CACNA1D: variants seen among roughly 807,000 people sequenced by gnomAD.
The protein encoded by CACNA1D is voltage-dependent L-type calcium channel subunit alpha-1D.
Under a neutral mutation model 257.1 loss-of-function variants are expected in CACNA1D, and 55 were observed. The observed-to-expected ratio is 0.21, with a 90% CI of 0.17 to 0.27. CACNA1D has a LOEUF of 0.27. Ranked by LOEUF, CACNA1D falls within the 10% of genes least tolerant of loss-of-function variation. The pLI is 1.00. For missense variants in CACNA1D, 1,876 were observed against 2,784.0 expected (o/e 0.67, Z 7.34); for synonymous variants, 980 against 1,014.9 (o/e 0.97, Z 0.65).
intron 8 of CACNA1D, among the ~76,000 whole-genome samples, chr3:53,682,389 A>T (rs946118095): frequency 7.1e-6 from 1 of 140,240 alleles, no homozygotes; most frequent in Non-Finnish European, 1.5e-5. Flanking sequence ...AAAAAAAAAA[A>T]AAAAAAACAG....
intron 3 of CACNA1D, among the ~76,000 whole-genome samples, chr3:53,630,762 A>G (rs182940143): frequency 1.8e-4 from 27 of 152,328 alleles, no homozygotes; most frequent in Admixed American, 6.5e-4. Context: ...TCTACCCTCA[A>G]TGGCTCAAAC....
At chr3:53,808,600 C>A in intron 45 of CACNA1D, 49 bp from the exon 46 acceptor site, 1 of 1,601,222 alleles carries the variant, frequency 6.2e-7, no homozygotes. Flanking sequence ...AGACGGTGTC[C>A]CGGCAGAGAA....
rs2095474044 is a variant in CACNA1D, at chr3:53,789,694, A to G, written c.4923+2742A>G. 6.6e-6 allele frequency among the ~76,000 whole-genome samples: 1 copy of G among 152,230 alleles called. No individual in the cohort carries two copies. Among genetic ancestry groups the G allele is most frequent in the South Asian group, 2.1e-4 (1 of 4,828 alleles). On this transcript the variant is annotated intron_variant, in intron 40 of 47. Coordinates refer to ENST00000350061, the MANE Select transcript of CACNA1D (RefSeq NM_001128840.3). This position sits in a 1 kb window ranked among gnomAD's most constrained non-coding sequence, Gnocchi z 4.2. ...ATGGAAAGTGGAGCATGGCCGTCGC[A>G]GTGTGAGCGCAGAAGTGCGGACCTA... is the stretch of plus-strand genomic sequence containing the variant.
In CACNA1D at chr3:53,811,600, G is replaced by T; in HGVS notation, c.*194G>T. 1 of 538,450 alleles carries T rather than the reference G, an allele frequency of 1.9e-6. No individual in the cohort carries two copies. Among genetic ancestry groups the T allele is most frequent in the South Asian group, 2.8e-5 (1 of 35,726 alleles). The allele number at this position is 538,450 out of a possible 1,614,324, so 33.4% of individuals were successfully genotyped here. On this transcript the variant is annotated 3_prime_UTR_variant, in exon 48 of 48. Transcript: ENST00000350061. This position sits in a 1 kb window ranked among gnomAD's most constrained non-coding sequence, Gnocchi z 4.2. ...AACAGGTCCCAAGCGGTTGAGCCTG[G>T]CAGAGTACCATGCGCTCGGCCCCAG...
chr3:53,740,740 T>A (rs749995464), intron 21 of CACNA1D, among the ~76,000 whole-genome samples: 8 of 151,908 alleles, frequency 5.3e-5, no homozygotes, highest in Non-Finnish European at 7.4e-5. Context: ...TTTGCTCATT[T>A]AAAAAAAATA....
intron 3 of CACNA1D, among the ~76,000 whole-genome samples, chr3:53,527,822 T>C (rs2091819506): frequency 6.6e-6 from 1 of 152,172 alleles, no homozygotes; most frequent in Admixed American, 6.5e-5. Context: ...TTTTTATAGG[T>C]CTTTTGGATA....
At chr3:53,689,664 A>G (rs1408701194) in intron 8 of CACNA1D, among the ~76,000 whole-genome samples, 1 of 151,972 alleles carries the variant, frequency 6.6e-6, no homozygotes, top group Non-Finnish European at 1.5e-5. Flanking sequence ...TTCTTTTTAA[A>G]AATATTTTTT....
At position 53,809,848 on chromosome 3, in the gene CACNA1D, A is replaced by G. The variant is rs371403457; in HGVS notation, c.5872-130A>G. 51 of 820,430 alleles carry G rather than the reference A, an allele frequency of 6.2e-5. No individual in the cohort carries two copies. The African/African-American group carries it at 6.7e-4, about 11-fold the overall frequency. The allele number at this position is 820,430 out of a possible 1,614,324, so 50.8% of individuals were successfully genotyped here. ...TCATTCAGCGTACTTCAGTGTGCCC[A>G]TGTCCTTTCCAAGTCCTTGCCTGGA... On this transcript the variant is annotated intron_variant, in intron 46 of 47. Transcript: ENST00000350061.
chr3:53,590,284 C>T (rs956433234), intron 3 of CACNA1D, among the ~76,000 whole-genome samples: 14 of 152,242 alleles, frequency 9.2e-5, no homozygotes, highest in African/African-American at 3.1e-4. Context: ...TCCCTCACTT[C>T]GTCTATTACT....
intron 9 of CACNA1D, among the ~76,000 whole-genome samples, chr3:53,708,181 A>G (rs2094712205): frequency 6.6e-6 from 1 of 152,272 alleles, no homozygotes; most frequent in Non-Finnish European, 1.5e-5. Flanking sequence ...GGTTGCAAGC[A>G]TAAGGCATAG....
chr3:53,495,282 G>C lies in CACNA1D; in HGVS notation c.67+49G>C. On this transcript the variant is annotated intron_variant, in intron 1 of 47. Transcript: ENST00000350061. This position sits in a 1 kb window ranked among gnomAD's most constrained non-coding sequence, Gnocchi z 5.1. ...CCGCTGCCAAATCCGATCCTGTCAT[G>C]GTCCTCCAGCCCCCTCCCCCTTCCC... 1 of 1,610,592 alleles carries C rather than the reference G, an allele frequency of 6.2e-7. No homozygotes were observed. Among genetic ancestry groups the C allele is most frequent in the Non-Finnish European group, 8.5e-7 (1 of 1,178,238 alleles).
intron 3 of CACNA1D, among the ~76,000 whole-genome samples, chr3:53,505,991 A>C (rs957819032): frequency 1.3e-5 from 2 of 152,154 alleles, no homozygotes; most frequent in African/African-American, 4.8e-5. Context: ...TTGTATCTGC[A>C]TGGTCACGTA....
At chr3:53,511,919 T>C (rs2091129553) in intron 3 of CACNA1D, among the ~76,000 whole-genome samples, 1 of 152,190 alleles carries the variant, frequency 6.6e-6, no homozygotes, top group Non-Finnish European at 1.5e-5. Flanking sequence ...TATTTTACTC[T>C]AATGTAATTT....
At chr3:53,615,144 C>T (rs1396463760) in intron 3 of CACNA1D, among the ~76,000 whole-genome samples, 1 of 152,166 alleles carries the variant, frequency 6.6e-6, no homozygotes, top group Non-Finnish European at 1.5e-5. Context: ...TTTCCACTAT[C>T]TATTTTATGT....
chr3:53,669,443 G>T (rs573985843), intron 7 of CACNA1D, among the ~76,000 whole-genome samples: 12 of 152,332 alleles, frequency 7.9e-5, no homozygotes, highest in African/African-American at 2.6e-4. Flanking sequence ...CATCTTGGGA[G>T]ATAAAAAGAG....
intron 5 of CACNA1D, among the ~76,000 whole-genome samples, chr3:53,660,947 A>G (rs1250350846): frequency 6.6e-6 from 1 of 152,182 alleles, no homozygotes; most frequent in East Asian, 1.9e-4. Flanking sequence ...AGGCCCTACC[A>G]TACCACTCAG....
chr3:53,570,458 G>A (rs1186497902), intron 3 of CACNA1D, among the ~76,000 whole-genome samples: 1 of 152,250 alleles, frequency 6.6e-6, no homozygotes, highest in African/African-American at 2.4e-5. Context: ...GCTATGGAAA[G>A]TAGAGGTGAT....
chr3:53,652,723 G>A (rs2094110111), intron 4 of CACNA1D, among the ~76,000 whole-genome samples: 1 of 152,112 alleles, frequency 6.6e-6, no homozygotes, highest in Admixed American at 6.5e-5. Context: ...GTGGCCAATG[G>A]GCTAAGTCCT....
chr3:53,558,261 G>T (rs1422000541), intron 3 of CACNA1D, among the ~76,000 whole-genome samples: 2 of 152,172 alleles, frequency 1.3e-5, no homozygotes, highest in African/African-American at 4.8e-5. Context: ...TTGGTATCAG[G>T]TAATACTGGC....
Sources: allele counts gnomAD v4.1 joint callset (sites outside exome capture counted in the v4.1 genomes callset), GRCh38; gene constraint gnomAD v4.1.1; non-coding constraint Gnocchi (gnomAD v3.1); transcripts MANE v1.5; gene names NCBI Gene and HGNC (gene_info 2026-07-23, HGNC 2026-07-21).